HTR1F: variants seen among roughly 807,000 people sequenced by gnomAD.
HTR1F encodes the protein 5-hydroxytryptamine receptor 1F, also known as 5-hydroxytryptamine (serotonin) receptor 1F, G protein-coupled.
A neutral mutation model predicts 24.0 loss-of-function variants in HTR1F; 17 were observed. That is an observed-to-expected ratio of 0.71 (90% CI 0.48 to 1.06). The LOEUF is 1.06. Ranked by LOEUF, HTR1F falls within the 50% of genes least tolerant of loss-of-function variation. HTR1F has a pLI of 0.00. For synonymous variants in HTR1F, 186 were observed against 156.8 expected, an observed-to-expected ratio of 1.19 and a Z score of -1.39; for missense variants, 391 against 427.8, an observed-to-expected ratio of 0.91 and a Z score of 0.76.
intron 2 of HTR1F, among the ~76,000 whole-genome samples, chr3:87,911,941 A>G (rs1703787381): frequency 6.6e-6 from 1 of 152,172 alleles, no homozygotes; most frequent in South Asian, 2.1e-4. Flanking sequence ...GCCATCTATA[A>G]CAAACTGACA....
At chr3:87,820,951 G>A (rs1704348146) in intron 1 of HTR1F, among the ~76,000 whole-genome samples, 1 of 152,092 alleles carries the variant, frequency 6.6e-6, no homozygotes, top group African/African-American at 2.4e-5. Flanking sequence ...TCTTGAATAT[G>A]TCAAATCAAC....
intron 2 of HTR1F, among the ~76,000 whole-genome samples, chr3:87,857,144 A>G (rs986557344): frequency 1.3e-5 from 2 of 152,032 alleles, no homozygotes; most frequent in Non-Finnish European, 2.9e-5. Flanking sequence ...CACAATGAGT[A>G]TCAGGTGGAA....
At chr3:87,932,576 G>A (rs1442786430) in intron 2 of HTR1F, among the ~76,000 whole-genome samples, 1 of 152,076 alleles carries the variant, frequency 6.6e-6, no homozygotes, top group Non-Finnish European at 1.5e-5. Context: ...TTCCAATTCT[G>A]TGAAGAAAGT....
intron 2 of HTR1F, among the ~76,000 whole-genome samples, chr3:87,918,891 G>A (rs1392139061): frequency 6.6e-6 from 1 of 151,882 alleles, no homozygotes; most frequent in Non-Finnish European, 1.5e-5. Flanking sequence ...AATTCATATG[G>A]AACCAACAAA....
intron 2 of HTR1F, among the ~76,000 whole-genome samples, chr3:87,832,545 C>T (rs765693697): frequency 1.3e-5 from 2 of 152,040 alleles, no homozygotes; most frequent in African/African-American, 4.8e-5. Flanking sequence ...CCAGGCTGGT[C>T]GCAAACTCCT....
chr3:87,837,602 G>T (rs1272903196), intron 2 of HTR1F, among the ~76,000 whole-genome samples: 2 of 151,192 alleles, frequency 1.3e-5, no homozygotes, highest in African/African-American at 4.9e-5. Flanking sequence ...TCTCCACAAA[G>T]GAAAACAAAA....
chr3:87,812,052 T>G (rs951241080), intron 1 of HTR1F, among the ~76,000 whole-genome samples: 1 of 152,210 alleles, frequency 6.6e-6, no homozygotes, highest in Non-Finnish European at 1.5e-5. Flanking sequence ...TCCCTAGCCA[T>G]GCAGAACTGT....
intron 2 of HTR1F, among the ~76,000 whole-genome samples, chr3:87,929,347 A>T (rs898664502): frequency 6.6e-6 from 1 of 152,188 alleles, no homozygotes; most frequent in African/African-American, 2.4e-5. Context: ...GTATACAAGC[A>T]CCATACAACG....
chr3:87,911,601 C>G (rs1227960466), intron 2 of HTR1F, among the ~76,000 whole-genome samples: 2 of 151,826 alleles, frequency 1.3e-5, no homozygotes, highest in Non-Finnish European at 2.9e-5. Flanking sequence ...ATCCTAATAC[C>G]AAAATGTGGC....
chr3:87,921,511 T>C (rs1229672689), intron 2 of HTR1F, among the ~76,000 whole-genome samples: 4 of 151,950 alleles, frequency 2.6e-5, no homozygotes, highest in African/African-American at 9.7e-5. Context: ...ACATATACAA[T>C]GTGTAATGAT....
chr3:87,969,239 G>A lies in HTR1F; in HGVS notation c.-42-21469G>A, dbSNP rs143513174. 1.4e-3 allele frequency among the ~76,000 whole-genome samples: 220 copies of A among 152,268 alleles called. 2 individuals are homozygous for A. The highest frequency in any genetic ancestry group is 4.9e-3 in the African/African-American group (203 of 41,552). On this transcript the variant is annotated intron_variant, in intron 2 of 2. Transcript: ENST00000319595. ...CTAGTGGAGCTGTGAAAAGAGCACC[G>A]CTATCCTCCAGACCCTGGAATGGTA...
At chr3:87,946,163 G>A (rs544615537) in intron 2 of HTR1F, among the ~76,000 whole-genome samples, 9 of 152,338 alleles carry the variant, frequency 5.9e-5, no homozygotes, top group East Asian at 1.9e-4. Context: ...GGCAATGGGC[G>A]CATCGCTGGA....
chr3:87,806,410 T>C (rs1318254420), intron 1 of HTR1F, among the ~76,000 whole-genome samples: 1 of 152,082 alleles, frequency 6.6e-6, no homozygotes, highest in African/African-American at 2.4e-5. Context: ...TAATTTTTTG[T>C]CTTTTTAAAA....
chr3:87,930,786 T>C (rs2107405076), intron 2 of HTR1F, among the ~76,000 whole-genome samples: 1 of 152,306 alleles, frequency 6.6e-6, no homozygotes, highest in South Asian at 2.1e-4. Context: ...CACATAATTA[T>C]CGCTATATAC....
chr3:87,868,595 T>C (rs565969938), intron 2 of HTR1F, among the ~76,000 whole-genome samples: 6 of 151,748 alleles, frequency 4.0e-5, no homozygotes, highest in African/African-American at 1.4e-4. Flanking sequence ...TTTCAAAACT[T>C]CAGGAAAAAA....
intron 2 of HTR1F, among the ~76,000 whole-genome samples, chr3:87,850,250 C>T (rs1268246887): frequency 6.6e-6 from 1 of 151,910 alleles, no homozygotes; most frequent in Non-Finnish European, 1.5e-5. Context: ...AAATGTGGCA[C>T]ATATACACCA....
chr3:87,800,067 T>A lies in HTR1F; in HGVS notation c.-160+7225T>A, dbSNP rs145227327. On this transcript the variant is annotated intron_variant, in intron 1 of 2. Transcript: ENST00000319595. ...ACTTACTTATTCAATATGCTTAGTC[T>A]AGACTCTTTCAATACCTTCCAAACT... Among the ~76,000 whole-genome samples, 568 of 152,354 alleles carry A rather than the reference T, an allele frequency of 3.7e-3. 4 individuals are homozygous for A. The highest frequency in any genetic ancestry group is 0.013 in the African/African-American group (549 of 41,572).
At chr3:87,873,379 A>G (rs1424331252) in intron 2 of HTR1F, among the ~76,000 whole-genome samples, 1 of 152,174 alleles carries the variant, frequency 6.6e-6, no homozygotes, top group Non-Finnish European at 1.5e-5. Flanking sequence ...CTGAAGGCCC[A>G]AGAAGCAGAA....
intron 2 of HTR1F, among the ~76,000 whole-genome samples, chr3:87,854,699 G>A (rs1705160394): frequency 6.6e-6 from 1 of 151,902 alleles, no homozygotes; most frequent in Non-Finnish European, 1.5e-5. Flanking sequence ...ACTGATTATA[G>A]TCAGAAAACA....
Sources: allele counts gnomAD v4.1 joint callset (sites outside exome capture counted in the v4.1 genomes callset), GRCh38; gene constraint gnomAD v4.1.1; transcripts MANE v1.5; gene names NCBI Gene and HGNC (gene_info 2026-07-23, HGNC 2026-07-21).